GRIN2A: variants seen among roughly 807,000 people sequenced by gnomAD.
The protein encoded by GRIN2A is glutamate receptor ionotropic, NMDA 2A.
A neutral mutation model predicts 113.4 loss-of-function variants in GRIN2A; 22 were observed. The ratio of observed to expected loss-of-function variants is 0.19; its 90% CI spans 0.14 to 0.28. The LOEUF (loss-of-function observed/expected upper bound fraction) is 0.28, where lower values mean the gene tolerates loss of function less well. GRIN2A is among the 10% of genes least tolerant of loss of function. The pLI is 1.00. For synonymous variants in GRIN2A, 827 were observed against 738.4 expected, an observed-to-expected ratio of 1.12 and a Z score of -1.94; for missense variants, 1,502 against 1,887.0, an observed-to-expected ratio of 0.80 and a Z score of 3.78.
At chr16:9,888,904 T>A (rs1016073542) in intron 4 of GRIN2A, among the ~76,000 whole-genome samples, 2 of 152,138 alleles carry the variant, frequency 1.3e-5, no homozygotes, top group African/African-American at 4.8e-5. Context: ...TAAATTAATT[T>A]AATTTTTAAA....
At chr16:9,927,222 G>A (rs183724307) in intron 3 of GRIN2A, among the ~76,000 whole-genome samples, 40 of 152,270 alleles carry the variant, frequency 2.6e-4, no homozygotes, top group Non-Finnish European at 5.3e-4. Context: ...GGAACTCAAG[G>A]GAAGTTTACC....
chr16:10,108,714 T>A (rs947834963), intron 2 of GRIN2A, among the ~76,000 whole-genome samples: 1 of 152,196 alleles, frequency 6.6e-6, no homozygotes, highest in Non-Finnish European at 1.5e-5. Flanking sequence ...TGTGCTAGCA[T>A]ACTTGGAAAC....
chr16:10,112,137 G>A, intron 2 of GRIN2A: 1 of 594,466 alleles, frequency 1.7e-6, no homozygotes, highest in Admixed American at 2.3e-5. Context: ...GGGCACCCAT[G>A]AGGATGACAA....
intron 2 of GRIN2A, among the ~76,000 whole-genome samples, chr16:10,178,037 C>A (rs1047002550): frequency 3.3e-5 from 5 of 152,200 alleles, no homozygotes; most frequent in African/African-American, 9.7e-5. Context: ...TTGTGCCAAA[C>A]CCTCATGGAT....
intron 2 of GRIN2A, among the ~76,000 whole-genome samples, chr16:9,986,225 C>T (rs1174175268): frequency 6.6e-6 from 1 of 151,410 alleles, no homozygotes; most frequent in African/African-American, 2.4e-5. Context: ...ATGCTACTAC[C>T]AAGAAAAAGT....
chr16:9,809,253 C>T (rs777460437), intron 10 of GRIN2A, among the ~76,000 whole-genome samples: 1 of 152,126 alleles, frequency 6.6e-6, no homozygotes, highest in African/African-American at 2.4e-5. Context: ...AACCCCATCT[C>T]TATTAAAAAT....
chr16:10,145,266 A>T (rs528304504), intron 2 of GRIN2A, among the ~76,000 whole-genome samples: 1 of 152,200 alleles, frequency 6.6e-6, no homozygotes, highest in Non-Finnish European at 1.5e-5. Context: ...CATAGTGTCT[A>T]TAGTTAACAA....
At chr16:9,866,301 G>C (rs1391901060) in intron 4 of GRIN2A, among the ~76,000 whole-genome samples, 1 of 152,222 alleles carries the variant, frequency 6.6e-6, no homozygotes, top group Non-Finnish European at 1.5e-5. Flanking sequence ...GAGTTGTGCA[G>C]TTTGCAAAGG....
chr16:10,166,263 C>T (rs757317798), intron 2 of GRIN2A, among the ~76,000 whole-genome samples: 24 of 152,120 alleles, frequency 1.6e-4, no homozygotes, highest in Admixed American at 9.2e-4. Flanking sequence ...GACAACAAAA[C>T]GGAAATCTGC....
intron 2 of GRIN2A, among the ~76,000 whole-genome samples, chr16:10,113,652 A>G (rs1474805319): frequency 3.3e-5 from 5 of 152,276 alleles, no homozygotes; most frequent in African/African-American, 7.2e-5. Context: ...TACTGCATGT[A>G]TAAATTGTGT....
At chr16:9,968,449 A>T (rs1398684204) in intron 2 of GRIN2A, among the ~76,000 whole-genome samples, 4 of 149,928 alleles carry the variant, frequency 2.7e-5, no homozygotes, top group East Asian at 4.0e-4. Context: ...AAGTAGCTGG[A>T]ATTACAGGCA....
intron 2 of GRIN2A, among the ~76,000 whole-genome samples, chr16:9,986,849 CCATAAATACTACAACCTCA>C (rs2141799152): frequency 6.6e-6 from 1 of 151,864 alleles, no homozygotes; most frequent in South Asian, 2.1e-4. Flanking sequence ...TTTCCTTCTT[CCATAAATACTACAACCTCA>C]CATAGGTATT....
intron 12 of GRIN2A, among the ~76,000 whole-genome samples, chr16:9,768,153 C>T (rs1021340025): frequency 2.6e-5 from 4 of 152,130 alleles, no homozygotes; most frequent in Non-Finnish European, 4.4e-5. Context: ...CTCCGCTTCC[C>T]GGGTTCACGC....
In GRIN2A at chr16:9,865,971, C is replaced by A. The variant is rs530439697; in HGVS notation, c.1123-16010G>T. 2.6e-5 allele frequency among the ~76,000 whole-genome samples: 4 copies of A among 152,306 alleles called. 1 individual carries two copies. The South Asian group carries it at 8.3e-4, about 32-fold the overall frequency. ...TGCTTATTTCCTTACATAGCCTCAACGCTTGCCTTTGCACTAAAAATGCAG... is the reference window on the plus strand; with the variant it reads ...TGCTTATTTCCTTACATAGCCTCAAAGCTTGCCTTTGCACTAAAAATGCAG... On this transcript the variant is annotated intron_variant, in intron 4 of 12. Coordinates refer to ENST00000330684, the MANE Select transcript of GRIN2A (RefSeq NM_001134407.3).
rs774500071 is a variant in GRIN2A, at chr16:9,764,583, A to C, written c.2961T>G (p.Thr987=). The change falls in exon 13 of 13, where the codon ACT becomes ACG. Residue 987 remains threonine, a synonymous_variant. Coordinates refer to ENST00000330684, the MANE Select transcript of GRIN2A (RefSeq NM_001134407.3). The part of the protein sequence containing the change: ...NYVFQGQHPL[T]LNESNPNTVE... ...CCGTGTTAGGGTTGGACTCATTGAG[A>C]GTAAGAGGATGTTGTCCCTGGAATA... 5.0e-6 allele frequency: 8 copies of C among 1,614,028 alleles called. No homozygotes were observed. In the South Asian group the frequency reaches 5.5e-5, roughly 11 times the overall value.
chr16:10,180,692 G>A lies in GRIN2A; in HGVS notation c.-18-263C>T. 5.1e-6 allele frequency: 3 copies of A among 587,278 alleles called. No homozygotes were observed. The highest frequency in any genetic ancestry group is 9.0e-6 in the Non-Finnish European group (3 of 333,010). 36.4% of individuals were successfully genotyped at this position (587,278 alleles called of 1,614,324 possible). A position where few individuals can be genotyped will look rare whatever the true frequency, so the allele number is the denominator to read the frequency against. The stretch of plus-strand genomic sequence containing the variant: ...CCAGCTTCCTCATCCCCTGTCTCCA[G>A]GCACTTCCCCATCCCCATCTCTGTC... On this transcript the variant is annotated intron_variant, in intron 1 of 12. Transcript: ENST00000330684. This position sits in a 1 kb window ranked among gnomAD's most constrained non-coding sequence, Gnocchi z 7.0.
chr16:9,798,523 G>T, intron 10 of GRIN2A, 59 bp from the exon 11 acceptor site: 2 of 1,311,882 alleles, frequency 1.5e-6, no homozygotes, highest in Non-Finnish European at 2.2e-6. Context: ...TCGGGGTCCA[G>T]CTCCTGAGGC....
intron 2 of GRIN2A, among the ~76,000 whole-genome samples, chr16:10,022,641 C>T (rs943270931): frequency 6.6e-6 from 1 of 152,222 alleles, no homozygotes; most frequent in Non-Finnish European, 1.5e-5. Context: ...ATTCTTCTCT[C>T]CAGTCTGAAC....
intron 2 of GRIN2A, among the ~76,000 whole-genome samples, chr16:10,173,079 G>C (rs1021115672): frequency 1.3e-5 from 2 of 152,210 alleles, no homozygotes; most frequent in Non-Finnish European, 2.9e-5. Context: ...GCTACTTGGA[G>C]TGTGAGTCAC....
Sources: gnomAD v4.1 joint callset for allele counts (sites outside exome capture counted in the v4.1 genomes callset) on GRCh38, gnomAD v4.1.1 for gene constraint, Gnocchi (gnomAD v3.1) non-coding constraint, MANE v1.5 for transcripts, NCBI Gene and HGNC (gene_info 2026-07-23, HGNC 2026-07-21) for gene names.